Variants in GABRP observed in about 807,000 individuals in gnomAD.
GABRP encodes the protein gamma-aminobutyric acid receptor subunit pi.
GABRP carries 52 observed loss-of-function variants against 47.8 expected under a neutral mutation model. The ratio of observed to expected loss-of-function variants is 1.09; its 90% CI spans 0.87 to 1.37. The LOEUF (loss-of-function observed/expected upper bound fraction) is 1.37. Among genes scored for constraint, GABRP ranks in the 40% most tolerant of loss-of-function variants. GABRP has a pLI of 0.00. For missense variants in GABRP, 525 were observed against 542.8 expected, an observed-to-expected ratio of 0.97 and a Z score of 0.33; for synonymous variants, 221 against 205.8, an observed-to-expected ratio of 1.07 and a Z score of -0.63.
At chr5:170,791,433 C>T (rs994222746) in intron 3 of GABRP, among the ~76,000 whole-genome samples, 5 of 152,208 alleles carry the variant, frequency 3.3e-5, no homozygotes, top group Admixed American at 2.6e-4. Context: ...GAGACAAGAC[C>T]TTCATAGGAT....
intron 1 of GABRP, 129 bp from the exon 2 acceptor site, chr5:170,788,445 A>T: frequency 3.3e-6 from 2 of 607,672 alleles, no homozygotes; most frequent in Non-Finnish European, 5.9e-6. Flanking sequence ...ACCGAAAGGT[A>T]TGGAAAGAGG....
Position 170,788,365 on chromosome 5 carries a change from A to T in GABRP, c.-42-209A>T, listed in dbSNP as rs537547360. 1,136 of 156,572 alleles carry T rather than the reference A, an allele frequency of 7.3e-3. 13 individuals are homozygous for T. In the African/African-American group the frequency reaches 0.094, roughly 13 times the overall value. The allele number at this position is 156,572 out of a possible 1,614,324, so 9.7% of individuals were successfully genotyped here. ...CCCTGTTTAAAAAAAATAAAAAATT[A>T]AAAAAAAAAAAAACATAATCCTCCA... On this transcript the variant is annotated intron_variant, in intron 1 of 9. Coordinates refer to ENST00000265294, the MANE Select transcript of GABRP (RefSeq NM_014211.3).
chr5:170,805,913 C>T, intron 7 of GABRP, 60 bp downstream of exon 7: 3 of 1,571,220 alleles, frequency 1.9e-6, no homozygotes, highest in Non-Finnish European at 1.7e-6. Context: ...TAGGGTTGCT[C>T]TCTGAGTCAG....
intron 1 of GABRP, among the ~76,000 whole-genome samples, chr5:170,787,704 A>C (rs2127249204): frequency 6.6e-6 from 1 of 152,250 alleles, no homozygotes; most frequent in Middle Eastern, 3.4e-3. Context: ...CCTTGTCGTA[A>C]TAATATAGGG....
chr5:170,795,529 G>A, intron 5 of GABRP, 104 bp downstream of exon 5: 2 of 858,614 alleles, frequency 2.3e-6, no homozygotes, highest in Non-Finnish European at 1.9e-6. Flanking sequence ...GCCACTGTGA[G>A]GTCCCATGGC....
chr5:170,803,833 A>G (rs1765657479), intron 6 of GABRP, among the ~76,000 whole-genome samples: 1 of 151,988 alleles, frequency 6.6e-6, no homozygotes, highest in Non-Finnish European at 1.5e-5. Context: ...CTGGAGTGCA[A>G]TGGCGCAATC....
At chr5:170,785,763 C>A (rs1765114071) in intron 1 of GABRP, among the ~76,000 whole-genome samples, 1 of 152,132 alleles carries the variant, frequency 6.6e-6, no homozygotes, top group Non-Finnish European at 1.5e-5. Flanking sequence ...GAGGAATATG[C>A]CAAAGTGGAA....
At chr5:170,794,813 C>A (rs1240210650) in intron 4 of GABRP, among the ~76,000 whole-genome samples, 1 of 151,848 alleles carries the variant, frequency 6.6e-6, no homozygotes, top group African/African-American at 2.4e-5. Flanking sequence ...TCGTGGACAA[C>A]CTAAGCACTT....
At chr5:170,802,447 TA>T (rs1765620674) in intron 6 of GABRP, among the ~76,000 whole-genome samples, 1 of 152,184 alleles carries the variant, frequency 6.6e-6, no homozygotes, top group South Asian at 2.1e-4. Flanking sequence ...GACATTTAAT[TA>T]AAGACCCAGA....
intron 3 of GABRP, among the ~76,000 whole-genome samples, chr5:170,791,715 G>A (rs1422540922): frequency 6.6e-6 from 1 of 152,212 alleles, no homozygotes; most frequent in African/African-American, 2.4e-5. Context: ...TTCAGGGAGG[G>A]CAACTAACAC....
chr5:170,806,420 A>G (rs10074306), intron 7 of GABRP, among the ~76,000 whole-genome samples: 37,725 of 149,776 alleles, frequency 0.25, 4,937 homozygotes, highest in African/African-American at 0.32. Context: ...TATTCTCATC[A>G]ATATTTGCAC....
intron 9 of GABRP, among the ~76,000 whole-genome samples, chr5:170,811,329 A>C (rs1249208452): frequency 1.3e-5 from 2 of 151,354 alleles, no homozygotes; most frequent in African/African-American, 4.9e-5. Context: ...CTACACTCCC[A>C]CATTCCTGGG....
Position 170,802,333 on chromosome 5 carries a change from T to C in GABRP, c.542-3383T>C, listed in dbSNP as rs141789837. ...GGGCTTGTGTGTGGAGGGAGAAATA[T>C]AGTCAAACTCTGGAGAGCAGTGGGC... On this transcript the variant is annotated intron_variant, in intron 6 of 9. Coordinates refer to ENST00000265294, the MANE Select transcript of GABRP (RefSeq NM_014211.3). 1.6e-3 allele frequency among the ~76,000 whole-genome samples: 236 copies of C among 152,224 alleles called. 2 individuals carry two copies. The South Asian group carries it at 0.021, about 13-fold the overall frequency.
Position 170,788,590 on chromosome 5 carries a change from C to G in GABRP, c.-26C>G, listed in dbSNP as rs1765183908. On this transcript the variant is annotated 5_prime_UTR_variant, in exon 2 of 10. Transcript: ENST00000265294. ...GTTTCCCAGGTGATTCCTACTTCAG[C>G]CCCTTGGTGTGAGCAGCTTCTCAAC... The G allele has an allele frequency of 1.2e-6, 2 of 1,613,460 alleles. No individual in the cohort carries two copies. The highest frequency in any genetic ancestry group is 1.7e-5 in the Admixed American group (1 of 59,986).
Position 170,789,149 on chromosome 5 carries a change from A to C in GABRP, c.74A>C (p.Gln25Pro), listed in dbSNP as rs754395896. The C allele has an allele frequency of 1.2e-6, 2 of 1,613,910 alleles. No homozygotes were observed. The highest frequency in any genetic ancestry group is 2.7e-5 in the African/African-American group (2 of 74,930). The change falls in exon 3 of 10, where the codon CAG (glutamine) becomes CCG (proline). Residue 25 changes from glutamine (Q) to proline (P), a missense_variant. Coordinates refer to ENST00000265294, the MANE Select transcript of GABRP (RefSeq NM_014211.3). ...TCCAGGATGTGCATCCAGGGGAGTC[A>C]GTTCAACGTCGAGGTCGGCAGAAGT... is the stretch of plus-strand genomic sequence containing the variant. ...FTERMCIQGS[Q>P]FNVEVGRSDK...
At chr5:170,797,076 C>T (rs2127257060) in intron 5 of GABRP, among the ~76,000 whole-genome samples, 1 of 152,344 alleles carries the variant, frequency 6.6e-6, no homozygotes, top group South Asian at 2.1e-4. Flanking sequence ...TGAGCCTATG[C>T]AAGTCCCTAT....
chr5:170,810,312 T>G (rs1312100848), intron 9 of GABRP, among the ~76,000 whole-genome samples: 1 of 152,200 alleles, frequency 6.6e-6, no homozygotes, highest in East Asian at 1.9e-4. Flanking sequence ...TATCAAGCAT[T>G]TACATGTGCC....
intron 6 of GABRP, among the ~76,000 whole-genome samples, chr5:170,801,863 G>T (rs71592508): frequency 2.7e-5 from 4 of 150,524 alleles, no homozygotes; most frequent in Admixed American, 6.6e-5. Context: ...AATGGGGGGG[G>T]GGTCAGAGTT....
At chr5:170,808,887 A>G (rs1232108746) in intron 8 of GABRP, 135 bp downstream of exon 8, 2 of 733,182 alleles carry the variant, frequency 2.7e-6, no homozygotes, top group East Asian at 5.3e-5. Flanking sequence ...TTTTACAGAG[A>G]AAGAAAGAGA....
Sources: allele counts gnomAD v4.1 joint callset (sites outside exome capture counted in the v4.1 genomes callset), GRCh38; gene constraint gnomAD v4.1.1; transcripts MANE v1.5; gene names NCBI Gene and HGNC (gene_info 2026-07-23, HGNC 2026-07-21).